Variants in KALRN observed in about 807,000 individuals in gnomAD.
The protein encoded by KALRN is kalirin RhoGEF kinase, also known as kalirin.
A neutral mutation model predicts 353.7 loss-of-function variants in KALRN; 70 were observed. The observed-to-expected ratio is 0.20, with a 90% confidence interval of 0.16 to 0.24. The LOEUF is 0.24. KALRN is among the 10% of genes least tolerant of loss of function. The probability of loss-of-function intolerance (pLI) is 1.00; values close to 1 mark genes in which losing one functional copy is unlikely to be tolerated. For synonymous variants in KALRN, 1,391 were observed against 1,434.8 expected, an observed-to-expected ratio of 0.97 and a Z score of 0.69; for missense variants, 2,791 against 3,756.7, an observed-to-expected ratio of 0.74 and a Z score of 6.72.
intron 3 of KALRN, among the ~76,000 whole-genome samples, chr3:124,262,941 T>C (rs2073070549): frequency 6.6e-6 from 1 of 152,136 alleles, no homozygotes; most frequent in Admixed American, 6.5e-5. Context: ...GTATTTATAT[T>C]TTAAAATGTG....
intron 59 of KALRN, among the ~76,000 whole-genome samples, chr3:124,718,151 T>G (rs2877823): frequency 0.27 from 38,097 of 141,834 alleles, 5,345 homozygotes; most frequent in Middle Eastern, 0.46. Flanking sequence ...AGATGGAGTC[T>G]CGCTCTGTCA....
chr3:124,150,165 T>C (rs957864801), intron 1 of KALRN, among the ~76,000 whole-genome samples: 3 of 152,204 alleles, frequency 2.0e-5, no homozygotes, highest in African/African-American at 7.2e-5. Flanking sequence ...ATTGTATTTT[T>C]ATAAACCTGT....
At chr3:124,313,488 G>A (rs2078492812) in intron 6 of KALRN, among the ~76,000 whole-genome samples, 2 of 152,196 alleles carry the variant, frequency 1.3e-5, no homozygotes, top group African/African-American at 4.8e-5. Flanking sequence ...CTCAGTAGGA[G>A]CATTAGATTT....
intron 2 of KALRN, among the ~76,000 whole-genome samples, chr3:124,232,398 A>G (rs2079265777): frequency 6.6e-6 from 1 of 151,914 alleles, no homozygotes; most frequent in African/African-American, 2.4e-5. Flanking sequence ...CTACTGTTCC[A>G]CCCAAAGAAC....
chr3:124,195,763 T>C (rs984334899), intron 1 of KALRN, among the ~76,000 whole-genome samples: 1 of 152,212 alleles, frequency 6.6e-6, no homozygotes, highest in Non-Finnish European at 1.5e-5. Context: ...GCTTTGTCCA[T>C]GTTTCTGCAC....
chr3:124,372,798 G>A (rs2086027196), intron 10 of KALRN, among the ~76,000 whole-genome samples: 5 of 152,064 alleles, frequency 3.3e-5, no homozygotes, highest in Admixed American at 3.3e-4. Context: ...GCCAAACAAA[G>A]TGTTAAATAG....
chr3:124,490,989 C>G (rs1262038434), intron 30 of KALRN, 105 bp downstream of exon 30: 19 of 976,472 alleles, frequency 1.9e-5, no homozygotes, highest in Non-Finnish European at 2.9e-5. Flanking sequence ...GGCCTCCACA[C>G]CAAAACCATC....
At chr3:124,369,979 T>C (rs551783925) in intron 10 of KALRN, among the ~76,000 whole-genome samples, 22 of 152,326 alleles carry the variant, frequency 1.4e-4, no homozygotes, top group Non-Finnish European at 2.6e-4. Context: ...CTCCATTTTA[T>C]TGTATTTTAT....
intron 12 of KALRN, among the ~76,000 whole-genome samples, chr3:124,396,002 C>T (rs2090114365): frequency 6.6e-6 from 1 of 152,228 alleles, no homozygotes; most frequent in East Asian, 1.9e-4. Context: ...ATATCTAGTT[C>T]TCTGCCCCTG....
intron 3 of KALRN, among the ~76,000 whole-genome samples, chr3:124,249,951 AC>A (rs928212967): frequency 6.6e-6 from 1 of 152,088 alleles, no homozygotes; most frequent in Non-Finnish European, 1.5e-5. Context: ...TGCCAGGGCA[AC>A]CCTGGCTGTG....
chr3:124,073,949 T>C (rs2060141019), intron 1 of KALRN, among the ~76,000 whole-genome samples: 1 of 152,136 alleles, frequency 6.6e-6, no homozygotes, highest in African/African-American at 2.4e-5. Context: ...CTCATCATGC[T>C]ATAGGATGAC....
chr3:124,447,893 A>G (rs1174299570), intron 21 of KALRN, among the ~76,000 whole-genome samples: 1 of 152,236 alleles, frequency 6.6e-6, no homozygotes, highest in East Asian at 1.9e-4. Context: ...CTATGAGCAC[A>G]GATAAGAGAC....
intron 1 of KALRN, among the ~76,000 whole-genome samples, chr3:124,081,537 GA>G (rs979764668): frequency 6.6e-6 from 1 of 152,234 alleles, no homozygotes; most frequent in African/African-American, 2.4e-5. Flanking sequence ...TTGGGAGGCT[GA>G]AACAGGCAGA....
chr3:124,058,063 C>G (rs1481300623), intron 1 of KALRN, among the ~76,000 whole-genome samples: 1 of 152,136 alleles, frequency 6.6e-6, no homozygotes, highest in African/African-American at 2.4e-5. Flanking sequence ...TAAAAACTCC[C>G]ATTTTAAAAA....
At position 124,490,866 on chromosome 3, in the gene KALRN, T is replaced by G. The variant is rs779606020; in HGVS notation, c.4569T>G (p.Val1523=). 2.5e-6 allele frequency: 4 copies of G among 1,612,514 alleles called. No individual in the cohort carries two copies. Among genetic ancestry groups the G allele is most frequent in the Non-Finnish European group, 3.4e-6 (4 of 1,179,424 alleles). ...IKDSSGHTKY[V]YKNKLLTSEL... ...ATTCTTCAGGACACACGAAATATGT[T>G]TACAAGAACAAGCTACTGGTAGGTG... Residue 1523 remains valine, a synonymous_variant, in exon 30 of 60, where the codon GTT becomes GTG. Transcript: ENST00000682506.
chr3:124,089,368 A>G (rs2060985137), intron 1 of KALRN, among the ~76,000 whole-genome samples: 1 of 152,134 alleles, frequency 6.6e-6, no homozygotes, highest in Admixed American at 6.5e-5. Context: ...GGTAACTGGC[A>G]ACTTAGCTTC....
At chr3:124,642,811 T>TTTGTTGTTGTTG (rs1238417089) in intron 37 of KALRN, among the ~76,000 whole-genome samples, 24 of 138,528 alleles carry the variant, frequency 1.7e-4, no homozygotes, top group South Asian at 2.4e-4. Flanking sequence ...GCCTCGTTTT[T>TTTGTTGTTGTTG]TTTTTTTTTT....
At chr3:124,245,054 G>C (rs1434064475) in intron 3 of KALRN, among the ~76,000 whole-genome samples, 1 of 151,748 alleles carries the variant, frequency 6.6e-6, no homozygotes, top group African/African-American at 2.4e-5. Flanking sequence ...TTGTTAACTA[G>C]AGTCACTCTA....
At chr3:124,712,403 A>G (rs1485604928) in intron 57 of KALRN, among the ~76,000 whole-genome samples, 1 of 152,148 alleles carries the variant, frequency 6.6e-6, no homozygotes, top group African/African-American at 2.4e-5. Context: ...TGCTGTTTCT[A>G]TTGTTGTATT....
Sources: allele counts gnomAD v4.1 joint callset (sites outside exome capture counted in the v4.1 genomes callset), GRCh38; gene constraint gnomAD v4.1.1; transcripts MANE v1.5; gene names NCBI Gene and HGNC (gene_info 2026-07-23, HGNC 2026-07-21).